The following EMC2 variants were observed in gnomAD, a reference collection of about 807,000 sequenced individuals.
EMC2 encodes ER membrane protein complex subunit 2.
In EMC2, 37 loss-of-function variants were observed where a neutral mutation model predicts 51.6. The observed-to-expected ratio is 0.72, with a 90% CI of 0.55 to 0.94. The LOEUF (loss-of-function observed/expected upper bound fraction) is 0.94. Among genes scored for constraint, EMC2 ranks in the 40% least tolerant of loss-of-function variants. The pLI, the probability that EMC2 is intolerant of heterozygous loss-of-function variation, is 0.00. For synonymous variants in EMC2, 131 were observed against 112.4 expected, an observed-to-expected ratio of 1.17 and a Z score of -1.04; for missense variants, 359 against 350.9, an observed-to-expected ratio of 1.02 and a Z score of -0.18.
At chr8:108,453,559 A>T (rs545932742) in intron 4 of EMC2, among the ~76,000 whole-genome samples, 1 of 151,248 alleles carries the variant, frequency 6.6e-6, no homozygotes, top group Admixed American at 6.6e-5. Flanking sequence ...TTTTTTTTTT[A>T]ATGCTTAGTC....
chr8:108,487,313 C>G lies in EMC2; in HGVS notation c.*715C>G, dbSNP rs1563705724. 6.6e-6 allele frequency among the ~76,000 whole-genome samples: 1 copy of G among 151,526 alleles called. No individual in the cohort carries two copies. The highest frequency in any genetic ancestry group is 1.5e-5 in the Non-Finnish European group (1 of 67,886). On this transcript the variant is annotated 3_prime_UTR_variant, in exon 11 of 11. Coordinates refer to ENST00000220853, the MANE Select transcript of EMC2 (RefSeq NM_014673.5). The stretch of plus-strand genomic sequence containing the variant: ...TATTGAATCCTTTAATAGTAAATTA[C>G]ATGAAAGAATATTAAAGAATCATAA...
intron 5 of EMC2, among the ~76,000 whole-genome samples, chr8:108,463,602 G>A (rs551022782): frequency 2.5e-4 from 38 of 152,196 alleles, no homozygotes; most frequent in African/African-American, 8.7e-4. Context: ...GTCCTGAATT[G>A]TGAACTCTGC....
chr8:108,443,664 G>T lies in EMC2; in HGVS notation c.6G>T (p.Ala2=). 6.2e-7 allele frequency: 1 copy of T among 1,609,296 alleles called. No homozygotes were observed. Among genetic ancestry groups the T allele is most frequent in the Middle Eastern group, 1.6e-4 (1 of 6,062 alleles). The change falls in exon 1 of 11, where the codon GCG becomes GCT. Residue 2 remains alanine (A), a synonymous_variant. Coordinates refer to ENST00000220853, the MANE Select transcript of EMC2 (RefSeq NM_014673.5). M[A]KVSELYDVTW... ...TGCCTCTAGGTTCTGGGAAGATGGCGAAGGTCTCAGAGCTTTACGATGTCA... is the reference window on the plus strand; with the variant it reads ...TGCCTCTAGGTTCTGGGAAGATGGCTAAGGTCTCAGAGCTTTACGATGTCA...
intron 5 of EMC2, among the ~76,000 whole-genome samples, chr8:108,459,606 A>G (rs1819257207): frequency 6.6e-6 from 1 of 152,080 alleles, no homozygotes; most frequent in Non-Finnish European, 1.5e-5. Flanking sequence ...ACGCCCCATA[A>G]TTCAGTCACC....
In EMC2 at chr8:108,466,442, A is replaced by ATTTTTTTTTTTT. The variant is rs869102478; in HGVS notation, c.364-3367_364-3356dup. 3.6e-4 allele frequency among the ~76,000 whole-genome samples: 33 copies of ATTTTTTTTTTTT among 91,060 alleles called. 3 individuals carry two copies. The highest frequency in any genetic ancestry group is 1.6e-3 in the African/African-American group (33 of 21,186). 59.7% of individuals were successfully genotyped at this position (91,060 alleles called of 152,430 possible). Reference sequence around the variant, plus strand: ...ATTATGCTAAGGAAGCTATGATAGAATTTTTTTTTTTTTTTTTTTTTTTTT... The same window carrying ATTTTTTTTTTTT: ...ATTATGCTAAGGAAGCTATGATAGAATTTTTTTTTTTTTTTTTTTTTTTTTTTTTTTTTTTTT... On this transcript the variant is annotated intron_variant, in intron 5 of 10. Coordinates refer to ENST00000220853, the MANE Select transcript of EMC2 (RefSeq NM_014673.5).
At chr8:108,457,817 C>G (rs1374121911) in intron 5 of EMC2, among the ~76,000 whole-genome samples, 1 of 152,192 alleles carries the variant, frequency 6.6e-6, no homozygotes, top group Non-Finnish European at 1.5e-5. Flanking sequence ...CCTCACATTT[C>G]AAAACCAATC....
chr8:108,456,077 C>T (rs2130351403), intron 5 of EMC2, 147 bp downstream of exon 5: 1 of 238,684 alleles, frequency 4.2e-6, no homozygotes. Flanking sequence ...TTAAATAGTT[C>T]ATGATGGGCC....
At chr8:108,467,878 A>C in intron 5 of EMC2, among the ~76,000 whole-genome samples, 1 of 152,256 alleles carries the variant, frequency 6.6e-6, no homozygotes, top group East Asian at 1.9e-4. Context: ...GTAAACATTA[A>C]GTCTAGAACC....
intron 9 of EMC2, among the ~76,000 whole-genome samples, chr8:108,477,731 G>A (rs1810972720): frequency 1.3e-5 from 2 of 152,042 alleles, no homozygotes; most frequent in African/African-American, 2.4e-5. Flanking sequence ...ATACGCTATA[G>A]TAGAAGTATC....
intron 5 of EMC2, among the ~76,000 whole-genome samples, chr8:108,460,486 A>G (rs2130364601): frequency 6.6e-6 from 1 of 152,324 alleles, no homozygotes; most frequent in Non-Finnish European, 1.5e-5. Flanking sequence ...GAATGAAATA[A>G]TGTCACAGGT....
intron 8 of EMC2, among the ~76,000 whole-genome samples, chr8:108,476,436 T>C (rs141340784): frequency 6.6e-6 from 1 of 151,942 alleles, no homozygotes; most frequent in Non-Finnish European, 1.5e-5. Context: ...AATTCAATAT[T>C]TAAGTCCACA....
At chr8:108,457,331 CGTGTGTGTGTGTGTGTGTGTGTGT>C (rs56319322) in intron 5 of EMC2, among the ~76,000 whole-genome samples, 1 of 127,994 alleles carries the variant, frequency 7.8e-6, no homozygotes, top group Non-Finnish European at 1.7e-5. Flanking sequence ...CGTGTGTGTG[CGTGTGTGTGTGTGTGTGTGTGTGT>C]GTGTGTGTGT....
Position 108,486,700 on chromosome 8 carries a change from T to A in EMC2, c.*102T>A. ...GCTCAGTGCTATTTATATACTACAG[T>A]AATTTTCTGTTAAGAAGGCAGTTGT... On this transcript the variant is annotated 3_prime_UTR_variant, in exon 11 of 11. Transcript: ENST00000220853. The A allele has an allele frequency of 8.6e-7, 1 of 1,167,686 alleles. No individual in the cohort carries two copies. The allele number at this position is 1,167,686 out of a possible 1,614,324, so 72.3% of individuals were successfully genotyped here. A position where few individuals can be genotyped will look rare whatever the true frequency, so the allele number is the denominator to read the frequency against.
chr8:108,479,662 C>T (rs1273860050), intron 10 of EMC2, among the ~76,000 whole-genome samples: 1 of 152,032 alleles, frequency 6.6e-6, no homozygotes. Context: ...CTTTTTATGT[C>T]TTTAGCCTTA....
In EMC2 at chr8:108,450,435, C is replaced by T; in HGVS notation, c.162C>T (p.Ile54=). 6.3e-7 allele frequency: 1 copy of T among 1,595,852 alleles called. No homozygotes were observed. Among genetic ancestry groups the T allele is most frequent in the Non-Finnish European group, 8.6e-7 (1 of 1,163,864 alleles). ...YASKLGDDIW[I]IYEQVMIAAL... ...CCCTTTATGTGTATCTAGTTTGGAT[C>T]ATATATGAACAGGTGATGATTGCAG... The change falls in exon 3 of 11, where the codon ATC becomes ATT. Residue 54 remains isoleucine, a synonymous_variant. Transcript: ENST00000220853.
intron 10 of EMC2, among the ~76,000 whole-genome samples, chr8:108,485,853 A>G (rs573354827): frequency 6.6e-6 from 1 of 151,822 alleles, no homozygotes; most frequent in Non-Finnish European, 1.5e-5. Flanking sequence ...TCCAATCCCA[A>G]TTAGTTTTAT....
chr8:108,456,359 A>AAAAAAAAAAAAC (rs1819158373), intron 5 of EMC2, among the ~76,000 whole-genome samples: 12 of 150,048 alleles, frequency 8.0e-5, no homozygotes, highest in African/African-American at 2.9e-4. Context: ...AAAAAAAAAA[A>AAAAAAAAAAAAC]AACAACTTCT....
chr8:108,451,888 T>A (rs1182395718), intron 3 of EMC2, among the ~76,000 whole-genome samples: 1 of 152,210 alleles, frequency 6.6e-6, no homozygotes, highest in African/African-American at 2.4e-5. Context: ...AAGAAATAAA[T>A]GAACATATCT....
chr8:108,459,273 T>C, intron 5 of EMC2, among the ~76,000 whole-genome samples: 1 of 152,168 alleles, frequency 6.6e-6, no homozygotes. Context: ...AGTACCCAGT[T>C]CCAAAGTTGC....
Sources: gnomAD v4.1 joint callset for allele counts (sites outside exome capture counted in the v4.1 genomes callset) on GRCh38, gnomAD v4.1.1 for gene constraint, MANE v1.5 for transcripts, NCBI Gene and HGNC (gene_info 2026-07-23, HGNC 2026-07-21) for gene names.